Variants in SERPINE2 observed in about 807,000 individuals in gnomAD.
SERPINE2 encodes the protein glia-derived nexin.
In SERPINE2, 14 loss-of-function variants were observed where a neutral mutation model predicts 36.3. The observed-to-expected ratio is 0.39, with a 90% CI of 0.25 to 0.60. The LOEUF is 0.60. SERPINE2 is among the 20% of genes least tolerant of loss of function. The pLI is 0.57. For missense variants in SERPINE2, 418 were observed against 499.6 expected (o/e 0.84, Z 1.56); for synonymous variants, 192 against 191.8 (o/e 1.00, Z -0.01).
intron 1 of SERPINE2, among the ~76,000 whole-genome samples, chr2:224,010,565 T>C (rs1380681344): frequency 6.6e-6 from 1 of 152,186 alleles, no homozygotes; most frequent in Non-Finnish European, 1.5e-5. Flanking sequence ...GGATATTCAT[T>C]CTATTTTCCT....
Position 224,001,650 on chromosome 2 carries a change from C to T in SERPINE2, c.251G>A (p.Gly84Asp), listed in dbSNP as rs1574829544. The change falls in exon 2 of 9, where the codon GGC (glycine) becomes GAC (aspartate). Residue 84 changes from glycine (G) to aspartate (D), a missense_variant. Gly to Asp is a moderately conservative substitution (Grantham distance 94). Transcript: ENST00000409304. ...CAATTGTGCACACGCACCATTTACG[C>T]CGTATCTCATCACCATGGCGAGCTG... ...KKQLAMVMRY[G>D]VNGVGKILKK... 2.5e-6 allele frequency: 4 copies of T among 1,613,498 alleles called. No homozygotes were observed. Among genetic ancestry groups the T allele is most frequent in the Non-Finnish European group, 3.4e-6 (4 of 1,179,928 alleles).
At position 223,995,076 on chromosome 2, in the gene SERPINE2, G is replaced by A. The variant is rs556829672; in HGVS notation, c.487+3039C>T. On this transcript the variant is annotated intron_variant, in intron 3 of 8. Transcript: ENST00000409304. ...GAGAGAAGGCAGCAGGAGTGTATGT[G>A]TGCGGTTCTCCAACAGGAGACAGGA... is the stretch of plus-strand genomic sequence containing the variant. Among the ~76,000 whole-genome samples the A allele has an allele frequency of 1.2e-4, 18 of 152,314 alleles. 1 individual carries two copies. Among genetic ancestry groups the A allele is most frequent in the African/African-American group, 3.8e-4 (16 of 41,572 alleles).
intron 1 of SERPINE2, among the ~76,000 whole-genome samples, chr2:224,023,106 G>C: frequency 6.6e-6 from 1 of 152,200 alleles, no homozygotes; most frequent in African/African-American, 2.4e-5. Flanking sequence ...CTTATAGCAA[G>C]GTGAGAACAG....
intron 1 of SERPINE2, among the ~76,000 whole-genome samples, chr2:224,018,901 A>C (rs1171152446): frequency 6.6e-6 from 1 of 152,216 alleles, no homozygotes; most frequent in Non-Finnish European, 1.5e-5. Context: ...TCTCCGGAGG[A>C]GGACACTGGT....
At chr2:224,004,847 A>G (rs961229765) in intron 1 of SERPINE2, among the ~76,000 whole-genome samples, 1 of 151,286 alleles carries the variant, frequency 6.6e-6, no homozygotes, top group Non-Finnish European at 1.5e-5. Context: ...GGCCCACTAT[A>G]ATCTGTACTC....
intron 1 of SERPINE2, among the ~76,000 whole-genome samples, chr2:224,012,412 T>C (rs1463686367): frequency 6.6e-6 from 1 of 152,116 alleles, no homozygotes; most frequent in Non-Finnish European, 1.5e-5. Context: ...TGGAAAAAAG[T>C]ATGGTATAAT....
chr2:223,987,306 CACAGTCTAA>C (rs1426045834), intron 4 of SERPINE2, among the ~76,000 whole-genome samples: 1 of 152,116 alleles, frequency 6.6e-6, no homozygotes, highest in Admixed American at 6.5e-5. Flanking sequence ...GGTCCCTGCT[CACAGTCTAA>C]ACACAAAATC....
intron 4 of SERPINE2, among the ~76,000 whole-genome samples, chr2:223,987,820 A>C (rs962042276): frequency 1.3e-5 from 2 of 152,204 alleles, no homozygotes; most frequent in African/African-American, 4.8e-5. Context: ...GCTCACTGAA[A>C]TGTTAAGAGC....
chr2:224,019,555 CCATGGCACCCCAGCCTCCAG>C (rs1236817161), intron 1 of SERPINE2, among the ~76,000 whole-genome samples: 33 of 88,050 alleles, frequency 3.7e-4, no homozygotes, highest in South Asian at 1.5e-3. Context: ...ATCCTGTTCA[CCATGGCACCCCAGCCTCCAG>C]CATGGCACCC....
chr2:223,989,519 G>C (rs1690567212), intron 4 of SERPINE2, among the ~76,000 whole-genome samples: 1 of 152,186 alleles, frequency 6.6e-6, no homozygotes, highest in African/African-American at 2.4e-5. Context: ...CAGCCACTTG[G>C]GGACACCACA....
chr2:224,036,342 A>G (rs1692534227), intron 1 of SERPINE2, among the ~76,000 whole-genome samples: 1 of 151,948 alleles, frequency 6.6e-6, no homozygotes, highest in Non-Finnish European at 1.5e-5. Flanking sequence ...GGATGGAAAA[A>G]AAAAAAAAAA....
At chr2:223,999,330 AAG>A (rs1691014868) in intron 2 of SERPINE2, among the ~76,000 whole-genome samples, 1 of 152,202 alleles carries the variant, frequency 6.6e-6, no homozygotes, top group South Asian at 2.1e-4. Context: ...TGTGTTTCTA[AAG>A]AGAGCTCAAA....
intron 1 of SERPINE2, among the ~76,000 whole-genome samples, chr2:224,033,089 C>T (rs1456532754): frequency 6.6e-6 from 1 of 152,146 alleles, no homozygotes; most frequent in Non-Finnish European, 1.5e-5. Context: ...TAGTTTATTG[C>T]ATTTGACTCC....
intron 1 of SERPINE2, among the ~76,000 whole-genome samples, chr2:224,034,126 A>G (rs192544111): frequency 2.6e-5 from 4 of 152,176 alleles, no homozygotes. Flanking sequence ...GCTGGTGCAA[A>G]TAAAACTAAA....
chr2:224,031,762 C>A (rs1023966254), intron 1 of SERPINE2, among the ~76,000 whole-genome samples: 22 of 148,774 alleles, frequency 1.5e-4, no homozygotes, highest in Middle Eastern at 3.4e-3. Flanking sequence ...ACCCCCCACC[C>A]CCCCCGCCGG....
intron 1 of SERPINE2, among the ~76,000 whole-genome samples, chr2:224,012,586 G>A (rs1691666651): frequency 8.1e-6 from 1 of 123,332 alleles, no homozygotes; most frequent in South Asian, 2.8e-4. Flanking sequence ...CTGGGCGACA[G>A]AGCGAGACTC....
intron 1 of SERPINE2, among the ~76,000 whole-genome samples, chr2:224,013,572 G>T (rs1302526883): frequency 6.6e-6 from 1 of 152,188 alleles, no homozygotes; most frequent in Non-Finnish European, 1.5e-5. Context: ...TAAGAACAGT[G>T]GTTGTAAGAA....
rs752070524 is a variant in SERPINE2 at position 223,984,754 on chromosome 2, G to C, written c.882C>G (p.Pro294=). ...TTTGAGGGGAAGGGGCCACTTACTT[G>C]GGCAGGATCACCTGCACCCTCTTGG... is the stretch of plus-strand genomic sequence containing the variant. ...MVPKRVQVIL[P]KFTAVAQTDL... The change falls in exon 5 of 9, where the codon CCC becomes CCG. Residue 294 remains proline, a splice_region_variant and synonymous_variant. Coordinates refer to ENST00000409304, the MANE Select transcript of SERPINE2 (RefSeq NM_001136528.2). The C allele has an allele frequency of 6.2e-7, 1 of 1,611,676 alleles. No homozygotes were observed. The highest frequency in any genetic ancestry group is 1.3e-5 in the African/African-American group (1 of 74,844).
At chr2:224,036,460 A>G (rs1457183095) in intron 1 of SERPINE2, among the ~76,000 whole-genome samples, 1 of 149,740 alleles carries the variant, frequency 6.7e-6, no homozygotes, top group African/African-American at 2.5e-5. Context: ...GGAGGGAAAC[A>G]TCACACACTG....
Sources: gnomAD v4.1 joint callset for allele counts (sites outside exome capture counted in the v4.1 genomes callset) on GRCh38, gnomAD v4.1.1 for gene constraint, MANE v1.5 for transcripts, NCBI Gene and HGNC (gene_info 2026-07-23, HGNC 2026-07-21) for gene names.